The following VAV1 variants were observed in gnomAD, a reference collection of about 807,000 sequenced individuals.
VAV1 encodes vav guanine nucleotide exchange factor 1, also known as proto-oncogene vav.
A neutral mutation model predicts 128.1 loss-of-function variants in VAV1; 33 were observed. The ratio of observed to expected loss-of-function variants is 0.26; its 90% confidence interval spans 0.20 to 0.34. VAV1 has a LOEUF of 0.34. VAV1 is among the 10% of genes least tolerant of loss of function. VAV1 has a pLI of 1.00. For synonymous variants in VAV1, 394 were observed against 409.8 expected (o/e 0.96, Z 0.47); for missense variants, 715 against 1,093.7 (o/e 0.65, Z 4.88).
Position 6,853,009 on chromosome 19 carries a change from C to T in VAV1, c.2262C>T (p.Phe754=). 6.2e-7 allele frequency: 1 copy of T among 1,611,756 alleles called. No homozygotes were observed. Among genetic ancestry groups the T allele is most frequent in the Non-Finnish European group, 8.5e-7 (1 of 1,178,532 alleles). The change falls in exon 25 of 27, where the codon TTC becomes TTT. Residue 754 remains phenylalanine (F), a synonymous_variant. Transcript: ENST00000602142. Reference sequence around the variant, plus strand: ...AGCAGAACTCTCTAAAGGATTGCTTCAAGTCTCTGGACACCACCTTGCAGT... The same window carrying T: ...AGCAGAACTCTCTAAAGGATTGCTTTAAGTCTCTGGACACCACCTTGCAGT... ...FYQQNSLKDC[F]KSLDTTLQFP...
At chr19:6,817,292 G>C (rs1189412491) in intron 1 of VAV1, among the ~76,000 whole-genome samples, 1 of 151,548 alleles carries the variant, frequency 6.6e-6, no homozygotes, top group Non-Finnish European at 1.5e-5. Context: ...TTGAACTCCT[G>C]ACCTCAAGTA....
intron 1 of VAV1, among the ~76,000 whole-genome samples, chr19:6,793,101 G>A (rs920775745): frequency 1.3e-5 from 2 of 152,066 alleles, no homozygotes; most frequent in South Asian, 2.1e-4. Context: ...TTGGGAGGCC[G>A]AGGCAGGTGG....
intron 15 of VAV1, among the ~76,000 whole-genome samples, chr19:6,832,451 C>T (rs922389583): frequency 6.6e-6 from 1 of 151,358 alleles, no homozygotes; most frequent in Admixed American, 6.6e-5. Flanking sequence ...CTCCTCTCCT[C>T]TTCCTTCTCC....
At chr19:6,798,606 T>A (rs962145554) in intron 1 of VAV1, among the ~76,000 whole-genome samples, 1 of 152,082 alleles carries the variant, frequency 6.6e-6, no homozygotes, top group African/African-American at 2.4e-5. Flanking sequence ...TGAGCCAGGA[T>A]TGCACCACTG....
Position 6,828,309 on chromosome 19 carries a change from A to G in VAV1, c.1024-110A>G. On this transcript the variant is annotated intron_variant, in intron 10 of 26. Transcript: ENST00000602142. The surrounding 1 kb of genome is among the most constrained non-coding windows in gnomAD (Gnocchi z 4.5). ...TCACTGGGGTCATGTCTCAGCCTCC[A>G]GGGTCAGCAGTACGATGGAGGAGCT... 1 of 1,534,436 alleles carries G rather than the reference A, an allele frequency of 6.5e-7. No homozygotes were observed. The highest frequency in any genetic ancestry group is 2.3e-5 in the East Asian group (1 of 44,150).
chr19:6,832,207 C>T lies in VAV1; in HGVS notation c.1508+7C>T, dbSNP rs201252235. 1.2e-6 allele frequency: 2 copies of T among 1,613,204 alleles called. No homozygotes were observed. Among genetic ancestry groups the T allele is most frequent in the Non-Finnish European group, 1.7e-6 (2 of 1,179,236 alleles). On this transcript the variant is annotated splice_region_variant and intron_variant, in intron 15 of 26. Transcript: ENST00000602142. The stretch of plus-strand genomic sequence containing the variant: ...AGCAGTTTGAGATGGCCATGTGAGT[C>T]CCCGTCTTCCTCCCTCTTTCTGTCC...
At chr19:6,850,460 G>C (rs948988788) in intron 23 of VAV1, among the ~76,000 whole-genome samples, 5 of 151,262 alleles carry the variant, frequency 3.3e-5, no homozygotes, top group Non-Finnish European at 5.9e-5. Flanking sequence ...CTGTGAGTCA[G>C]GGAAGATGAT....
Position 6,826,813 on chromosome 19 carries a change from G to A in VAV1, c.927+102G>A. 1 of 930,290 alleles carries A rather than the reference G, an allele frequency of 1.1e-6. No individual in the cohort carries two copies. The highest frequency in any genetic ancestry group is 1.7e-6 in the Non-Finnish European group (1 of 600,762). The allele number at this position is 930,290 out of a possible 1,614,324, so 57.6% of individuals were successfully genotyped here. On this transcript the variant is annotated intron_variant, in intron 9 of 26. Coordinates refer to ENST00000602142, the MANE Select transcript of VAV1 (RefSeq NM_005428.4). The surrounding 1 kb of genome is among the most constrained non-coding windows in gnomAD (Gnocchi z 4.1). ...TGCAGATGGTCCACTTTCTGCTGCA[G>A]CCCAGCCAGAGATCCACCAAAGGAC...
intron 1 of VAV1, among the ~76,000 whole-genome samples, chr19:6,793,074 C>T (rs1971051754): frequency 6.6e-6 from 1 of 152,106 alleles, no homozygotes; most frequent in Non-Finnish European, 1.5e-5. Context: ...GTGGCTCACA[C>T]CTGTAATCCC....
rs528767023 is a variant in VAV1 at position 6,797,739 on chromosome 19, C to T, written c.205-22963C>T. Among the ~76,000 whole-genome samples, 397 of 140,428 alleles carry T rather than the reference C, an allele frequency of 2.8e-3. 3 individuals are homozygous for T. The highest frequency in any genetic ancestry group is 0.011 in the African/African-American group (376 of 35,336). 92.1% of individuals were successfully genotyped at this position (140,428 alleles called of 152,430 possible). On this transcript the variant is annotated intron_variant, in intron 1 of 26. Coordinates refer to ENST00000602142, the MANE Select transcript of VAV1 (RefSeq NM_005428.4). ...AGCCTGGGCAACAAGAGTGAAACTC[C>T]GTCTAAAAAAAAAAAAAAAAAAAGA...
At chr19:6,785,978 G>C (rs1413713857) in intron 1 of VAV1, among the ~76,000 whole-genome samples, 1 of 151,992 alleles carries the variant, frequency 6.6e-6, no homozygotes, top group African/African-American at 2.4e-5. Flanking sequence ...TTATCTGAGA[G>C]ATCTTCCACT....
chr19:6,783,660 G>A (rs748652362), intron 1 of VAV1, among the ~76,000 whole-genome samples: 5 of 151,598 alleles, frequency 3.3e-5, no homozygotes, highest in Admixed American at 3.3e-4. Context: ...TTTTGTAGGG[G>A]TTTCTCCATG....
chr19:6,789,842 G>C (rs1276436966), intron 1 of VAV1, among the ~76,000 whole-genome samples: 1 of 150,558 alleles, frequency 6.6e-6, no homozygotes, highest in Non-Finnish European at 1.5e-5. Context: ...CAAGTGACCT[G>C]CCTGCCTTGG....
At chr19:6,782,802 A>C (rs1347959190) in intron 1 of VAV1, among the ~76,000 whole-genome samples, 3 of 151,786 alleles carry the variant, frequency 2.0e-5, no homozygotes, top group Non-Finnish European at 4.4e-5. Context: ...GGATCACTTG[A>C]GCCCAGGAAT....
chr19:6,854,693 G>A (rs959715379), intron 26 of VAV1, among the ~76,000 whole-genome samples: 1 of 152,088 alleles, frequency 6.6e-6, no homozygotes, highest in Non-Finnish European at 1.5e-5. Context: ...CTGGGTGACA[G>A]AACAAGACCC....
intron 1 of VAV1, among the ~76,000 whole-genome samples, chr19:6,783,750 G>T (rs1261440156): frequency 1.3e-5 from 2 of 152,106 alleles, no homozygotes. Flanking sequence ...TTACAGGCGT[G>T]AGCCACCATG....
At position 6,803,051 on chromosome 19, in the gene VAV1, A is replaced by T. The variant is rs537171517; in HGVS notation, c.205-17651A>T. On this transcript the variant is annotated intron_variant, in intron 1 of 26. Coordinates refer to ENST00000602142, the MANE Select transcript of VAV1 (RefSeq NM_005428.4). Reference sequence around the variant, plus strand: ...AATTGTCCTTCGGTAGATGAATGCGATGTAGGGCAAGGCAAGCCCTAAATT... The same window carrying T: ...AATTGTCCTTCGGTAGATGAATGCGTTGTAGGGCAAGGCAAGCCCTAAATT... Among the ~76,000 whole-genome samples, 9 of 152,296 alleles carry T rather than the reference A, an allele frequency of 5.9e-5. No homozygotes were observed. In the East Asian group the frequency reaches 1.7e-3, roughly 29 times the overall value.
chr19:6,855,802 C>CATCTGTCT (rs1972781897), intron 26 of VAV1, among the ~76,000 whole-genome samples: 3 of 149,490 alleles, frequency 2.0e-5, no homozygotes, highest in Admixed American at 1.3e-4. Flanking sequence ...TCCACCCATT[C>CATCTGTCT]ATCTATCTAT....
At chr19:6,856,473 G>A (rs1019224984) in intron 26 of VAV1, among the ~76,000 whole-genome samples, 42 of 152,196 alleles carry the variant, frequency 2.8e-4, no homozygotes, top group African/African-American at 9.9e-4. Context: ...TGTAATCCCA[G>A]CACTCTGGGA....
Sources: gnomAD v4.1 joint callset for allele counts (sites outside exome capture counted in the v4.1 genomes callset) on GRCh38, gnomAD v4.1.1 for gene constraint, Gnocchi (gnomAD v3.1) non-coding constraint, MANE v1.5 for transcripts, NCBI Gene and HGNC (gene_info 2026-07-23, HGNC 2026-07-21) for gene names.